The following ZNF600 variants were observed in gnomAD, a reference collection of about 807,000 sequenced individuals.
The protein encoded by ZNF600 is zinc finger protein KR-ZNF1.
In ZNF600, 4 loss-of-function variants were observed where a neutral mutation model predicts 7.3. The ratio of observed to expected loss-of-function variants is 0.55; its 90% CI spans 0.27 to 1.25. ZNF600 has a LOEUF of 1.25. ZNF600 is among the 50% of genes most tolerant of loss of function. ZNF600 has a pLI of 0.12. For synonymous variants in ZNF600, 290 were observed against 308.9 expected (o/e 0.94, Z 0.64); for missense variants, 911 against 922.1 (o/e 0.99, Z 0.16).
the ZNF600 span, among the ~76,000 whole-genome samples, chr19:52,811,694 G>A: frequency 2.7e-5 from 4 of 147,408 alleles, no homozygotes; most frequent in Non-Finnish European, 4.5e-5. Flanking sequence ...CCCTCCGTCC[G>A]GCAACCACCC....
chr19:52,766,903 G>T, exon 4 of ZNF600: 2 of 1,614,112 alleles, frequency 1.2e-6, no homozygotes, highest in South Asian at 2.2e-5. Flanking sequence ...TTTGATTGCT[G>T]ATTAAAAGCT....
chr19:52,812,159 G>A, the ZNF600 span, among the ~76,000 whole-genome samples: 4 of 124,400 alleles, frequency 3.2e-5, no homozygotes, highest in Non-Finnish European at 6.3e-5. Flanking sequence ...TCAGCCCCCC[G>A]CCCGGCCAGC....
At chr19:52,774,486 G>T (rs912811173) in intron 3 of ZNF600, 89 bp downstream of exon 5, 1 of 981,346 alleles carries the variant, frequency 1.0e-6, no homozygotes, top group African/African-American at 1.8e-5. Flanking sequence ...CATGCATGGG[G>T]CAAAATCACA....
the ZNF600 span, among the ~76,000 whole-genome samples, chr19:52,812,022 A>T: frequency 2.4e-4 from 7 of 29,606 alleles, no homozygotes; most frequent in East Asian, 1.4e-3. Flanking sequence ...GGTGGGGGGG[A>T]CAGCCCCCCG....
chr19:52,791,760 G>A (rs531207731), upstream of ZNF600, among the ~76,000 whole-genome samples: 8 of 152,274 alleles, frequency 5.3e-5, no homozygotes, highest in South Asian at 1.0e-3. Flanking sequence ...GTTTGACCCT[G>A]GTCTTCAGAT....
the ZNF600 span, among the ~76,000 whole-genome samples, chr19:52,816,427 G>A: frequency 1.4e-5 from 2 of 145,858 alleles, no homozygotes; most frequent in Admixed American, 6.9e-5. Context: ...CACTTTGGGA[G>A]GCTGAGGTGG....
At chr19:52,800,776 A>C in the ZNF600 span, 1 of 1,614,136 alleles carries the variant, frequency 6.2e-7, no homozygotes, top group Non-Finnish European at 8.5e-7. Context: ...CATTCATTAC[A>C]CTTGTAAGGT....
exon 4 of ZNF600, chr19:52,767,138 T>C (rs747513531): frequency 2.5e-6 from 4 of 1,614,180 alleles, no homozygotes; most frequent in Non-Finnish European, 3.4e-6. Flanking sequence ...TACAATGGCA[T>C]GTAAGGTATT....
At chr19:52,784,312 A>G (rs1216913840) in intron 1 of ZNF600, among the ~76,000 whole-genome samples, 2 of 152,172 alleles carry the variant, frequency 1.3e-5, no homozygotes, top group Non-Finnish European at 2.9e-5. Context: ...AGACTGAGGG[A>G]GGAGGATCGC....
chr19:52,778,315 C>T (rs1449535455), intron 2 of ZNF600, among the ~76,000 whole-genome samples: 2 of 148,890 alleles, frequency 1.3e-5, no homozygotes, highest in Non-Finnish European at 3.0e-5. Flanking sequence ...AACCAACATC[C>T]TGTCTCTTAA....
chr19:52,797,856 C>CT, the ZNF600 span: 1 of 152,130 alleles, frequency 6.6e-6, no homozygotes, highest in African/African-American at 2.4e-5. Flanking sequence ...GTCACGGTGG[C>CT]TCACGCCCAT....
the ZNF600 span, among the ~76,000 whole-genome samples, chr19:52,819,096 C>G: frequency 2.1e-5 from 3 of 139,826 alleles, no homozygotes; most frequent in African/African-American, 5.6e-5. Flanking sequence ...CAACCTGAGA[C>G]AGGAAGGATT....
At chr19:52,828,338 C>A in the ZNF600 span, among the ~76,000 whole-genome samples, 1 of 152,122 alleles carries the variant, frequency 6.6e-6, no homozygotes, top group Non-Finnish European at 1.5e-5. Flanking sequence ...AGGCATGAGG[C>A]ACTGCACCCG....
chr19:52,764,456 CT>C (rs2062552807), downstream of ZNF600: 1 of 149,838 alleles, frequency 6.7e-6, no homozygotes, highest in African/African-American at 2.5e-5. Context: ...AGGTGATCCA[CT>C]CACATCAGTC....
At chr19:52,793,283 T>C in the ZNF600 span, among the ~76,000 whole-genome samples, 2 of 152,250 alleles carry the variant, frequency 1.3e-5, no homozygotes, top group South Asian at 4.1e-4. Context: ...CAGGACTTCC[T>C]GAGGCTGTGT....
rs115948940 is a variant in ZNF600, at chr19:52,767,396, C to T, written c.567G>A (p.Ser189=). The T allele has an allele frequency of 3.4e-3, 5,442 of 1,613,914 alleles. 168 individuals are homozygous for T. The African/African-American group carries it at 0.064, about 19-fold the overall frequency. Residue 189 remains serine (S), a synonymous_variant, in exon 4 of 4, where the codon TCG becomes TCA. Coordinates refer to ENST00000648973, the Ensembl canonical transcript of ZNF600. Reference sequence around the variant, plus strand: ...GAGAAATTCTTTGGGATGTTGAAACCGAGGGAGCATCACTGGTAGACTTCT... The same window carrying T: ...GAGAAATTCTTTGGGATGTTGAAACTGAGGGAGCATCACTGGTAGACTTCT...
the ZNF600 span, among the ~76,000 whole-genome samples, chr19:52,811,308 C>T: frequency 1.3e-5 from 2 of 150,782 alleles, no homozygotes; most frequent in African/African-American, 5.0e-5. Context: ...TCTGCCCGGC[C>T]GCCACCCCGT....
At chr19:52,800,477 G>C in the ZNF600 span, 2 of 1,612,572 alleles carry the variant, frequency 1.2e-6, no homozygotes, top group Non-Finnish European at 1.7e-6. Context: ...GTCTATGATG[G>C]CGTGCAAGAG....
At chr19:52,790,679 CTCCT>C (rs1489102225), upstream of ZNF600, among the ~76,000 whole-genome samples, 4 of 141,322 alleles carry the variant, frequency 2.8e-5, no homozygotes, top group African/African-American at 1.1e-4. Flanking sequence ...CTCTCTCTCT[CTCCT>C]TTTTTTTTTT....
Sources: gnomAD v4.1 joint callset for allele counts (sites outside exome capture counted in the v4.1 genomes callset) on GRCh38, gnomAD v4.1.1 for gene constraint, MANE v1.5 for transcripts, NCBI Gene and HGNC (gene_info 2026-07-23, HGNC 2026-07-21) for gene names.